Variants in LHFPL3 observed in about 807,000 individuals in gnomAD.
The protein encoded by LHFPL3 is LHFPL tetraspan subfamily member 3 protein.
A neutral mutation model predicts 19.3 loss-of-function variants in LHFPL3; 5 were observed. The ratio of observed to expected loss-of-function variants is 0.26; its 90% CI spans 0.14 to 0.54. The LOEUF is 0.54. Among genes scored for constraint, LHFPL3 ranks in the 20% least tolerant of loss-of-function variants. LHFPL3 has a pLI of 0.94. For synonymous variants in LHFPL3, 133 were observed against 126.2 expected, an observed-to-expected ratio of 1.05 and a Z score of -0.36; for missense variants, 249 against 307.4, an observed-to-expected ratio of 0.81 and a Z score of 1.42.
At chr7:104,383,036 C>A (rs927135621) in intron 1 of LHFPL3, among the ~76,000 whole-genome samples, 1 of 152,252 alleles carries the variant, frequency 6.6e-6, no homozygotes, top group African/African-American at 2.4e-5. Context: ...CATGGCAGAG[C>A]CAGGCTCAGG....
intron 2 of LHFPL3, among the ~76,000 whole-genome samples, chr7:104,839,610 A>G (rs1016585820): frequency 6.6e-6 from 1 of 152,174 alleles, no homozygotes; most frequent in African/African-American, 2.4e-5. Flanking sequence ...TGGAGGTTCC[A>G]GTGAGCCAAG....
intron 1 of LHFPL3, among the ~76,000 whole-genome samples, chr7:104,535,204 A>G (rs1316015436): frequency 1.3e-5 from 2 of 152,212 alleles, no homozygotes; most frequent in Admixed American, 6.5e-5. Flanking sequence ...ACCTAGGAGA[A>G]AATGGAACAC....
At chr7:104,785,594 T>C (rs752832395) in intron 2 of LHFPL3, 3 of 152,254 alleles carry the variant, frequency 2.0e-5, no homozygotes, top group Non-Finnish European at 4.4e-5. Flanking sequence ...TCTTGGTTAA[T>C]ATTGCCCTAA....
intron 1 of LHFPL3, among the ~76,000 whole-genome samples, chr7:104,464,612 A>G (rs1222440355): frequency 1.3e-5 from 2 of 152,244 alleles, no homozygotes; most frequent in East Asian, 3.8e-4. Flanking sequence ...CAGGACTAAT[A>G]GCATATGGAA....
At chr7:104,411,351 T>A (rs1182193217) in intron 1 of LHFPL3, among the ~76,000 whole-genome samples, 1 of 152,238 alleles carries the variant, frequency 6.6e-6, no homozygotes, top group Non-Finnish European at 1.5e-5. Flanking sequence ...ATTGTCAGGT[T>A]ATTTTGGCTG....
chr7:104,787,354 T>C (rs1387946607), intron 2 of LHFPL3, among the ~76,000 whole-genome samples: 3 of 152,176 alleles, frequency 2.0e-5, no homozygotes, highest in Non-Finnish European at 2.9e-5. Context: ...GGGGTGGTTA[T>C]TGTCTTTCTT....
chr7:104,785,198 C>T (rs1326943401), intron 2 of LHFPL3: 1 of 152,090 alleles, frequency 6.6e-6, no homozygotes, highest in African/African-American at 2.4e-5. Context: ...CCTTCATTCC[C>T]TCCCCCTCTT....
chr7:104,853,518 T>C (rs1362844257), intron 2 of LHFPL3, among the ~76,000 whole-genome samples: 3 of 152,224 alleles, frequency 2.0e-5, no homozygotes, highest in Non-Finnish European at 4.4e-5. Context: ...ACTTCAGTGA[T>C]TGTACAGATG....
intron 1 of LHFPL3, among the ~76,000 whole-genome samples, chr7:104,484,347 C>G (rs535713860): frequency 5.3e-5 from 8 of 152,282 alleles, no homozygotes; most frequent in African/African-American, 1.9e-4. Flanking sequence ...CACAAAGAAA[C>G]ACCTTCCATC....
intron 1 of LHFPL3, among the ~76,000 whole-genome samples, chr7:104,554,266 G>A (rs1302957832): frequency 6.6e-6 from 1 of 151,708 alleles, no homozygotes; most frequent in Non-Finnish European, 1.5e-5. Context: ...CTTCATTTAG[G>A]AAATGGATTA....
intron 2 of LHFPL3, among the ~76,000 whole-genome samples, chr7:104,816,320 G>C (rs572814294): frequency 9.9e-5 from 15 of 152,280 alleles, no homozygotes; most frequent in Non-Finnish European, 1.9e-4. Context: ...TAGCTTAGCA[G>C]GATTCCATCC....
intron 1 of LHFPL3, among the ~76,000 whole-genome samples, chr7:104,518,518 C>G (rs941884822): frequency 2.6e-5 from 4 of 151,856 alleles, no homozygotes; most frequent in Admixed American, 2.6e-4. Context: ...CTACTGGACA[C>G]ATTTAAAAGT....
intron 1 of LHFPL3, among the ~76,000 whole-genome samples, chr7:104,693,389 G>T (rs1792940410): frequency 6.6e-6 from 1 of 152,142 alleles, no homozygotes; most frequent in African/African-American, 2.4e-5. Flanking sequence ...AGGGCAGAAT[G>T]ATATGGTTTG....
intron 1 of LHFPL3, among the ~76,000 whole-genome samples, chr7:104,424,385 G>A (rs1454959173): frequency 6.6e-6 from 1 of 152,098 alleles, no homozygotes; most frequent in Non-Finnish European, 1.5e-5. Flanking sequence ...GAGGTACAGA[G>A]GAGCTCTTAC....
chr7:104,372,997 CA>C lies in LHFPL3; in HGVS notation c.445+43784del, dbSNP rs58010609. 4.0e-4 allele frequency among the ~76,000 whole-genome samples: 51 copies of C among 126,312 alleles called. 1 individual carries two copies. Among genetic ancestry groups the C allele is most frequent in the East Asian group, 8.8e-4 (4 of 4,538 alleles). The allele number at this position is 126,312 out of a possible 152,430, so 82.9% of individuals were successfully genotyped here. ...CAAAGTTTTCCTGAGAGCTTCTTTA[CA>C]AAAAAAAAAAGCAGTTCCCTGGGCA... On this transcript the variant is annotated intron_variant, in intron 1 of 2. Transcript: ENST00000424859.
At chr7:104,722,301 T>A (rs1166433984) in intron 1 of LHFPL3, among the ~76,000 whole-genome samples, 1 of 152,176 alleles carries the variant, frequency 6.6e-6, no homozygotes, top group Non-Finnish European at 1.5e-5. Flanking sequence ...AAACTGGAGC[T>A]ACGTATTTTG....
rs1346809749 is a variant in LHFPL3, at chr7:104,827,764, C to CA, written c.683-78416dup. 4.6e-5 allele frequency among the ~76,000 whole-genome samples: 7 copies of CA among 151,660 alleles called. No homozygotes were observed. In the East Asian group the frequency reaches 1.3e-3, roughly 29 times the overall value. ...GTAAAAAAAATCCTTATTACATTCTCAAAAAAACAAAAAAGTTATTTTGGA... is the reference window on the plus strand; with the variant it reads ...GTAAAAAAAATCCTTATTACATTCTCAAAAAAAACAAAAAAGTTATTTTGGA... On this transcript the variant is annotated intron_variant, in intron 2 of 2. Transcript: ENST00000424859.
At position 104,734,243 on chromosome 7, in the gene LHFPL3, C is replaced by T. The variant is rs191700552; in HGVS notation, c.446-2432C>T. 1.4e-3 allele frequency among the ~76,000 whole-genome samples: 207 copies of T among 152,176 alleles called. 1 individual carries two copies. The East Asian group carries it at 0.023, about 17-fold the overall frequency. Reference sequence around the variant, plus strand: ...AGTATCTTTGTGGCATTCTCTGTATCTCCTGAATTTGAATGTTGGCCTGCC... The same window carrying T: ...AGTATCTTTGTGGCATTCTCTGTATTTCCTGAATTTGAATGTTGGCCTGCC... On this transcript the variant is annotated intron_variant, in intron 1 of 2. Transcript: ENST00000424859.
chr7:104,454,810 T>A (rs956043799), intron 1 of LHFPL3, among the ~76,000 whole-genome samples: 1 of 152,232 alleles, frequency 6.6e-6, no homozygotes, highest in African/African-American at 2.4e-5. Context: ...AGAAGGGGCA[T>A]AATTGCCTAA....
Sources: gnomAD v4.1 joint callset for allele counts (sites outside exome capture counted in the v4.1 genomes callset) on GRCh38, gnomAD v4.1.1 for gene constraint, MANE v1.5 for transcripts, NCBI Gene and HGNC (gene_info 2026-07-23, HGNC 2026-07-21) for gene names.